KALRN: variants seen among roughly 807,000 people sequenced by gnomAD.
The protein encoded by KALRN is kalirin.
In KALRN, 70 loss-of-function variants were observed where a neutral mutation model predicts 353.7. The ratio of observed to expected loss-of-function variants is 0.20; its 90% CI spans 0.16 to 0.24. The LOEUF (loss-of-function observed/expected upper bound fraction) is 0.24, where lower values mean the gene tolerates loss of function less well. KALRN is among the 10% of genes least tolerant of loss of function. The pLI, the probability that KALRN is intolerant of heterozygous loss-of-function variation, is 1.00. For missense variants in KALRN, 2,791 were observed against 3,756.7 expected (o/e 0.74, Z 6.72); for synonymous variants, 1,391 against 1,434.8 (o/e 0.97, Z 0.69).
intron 33 of KALRN, among the ~76,000 whole-genome samples, chr3:124,550,268 G>C (rs1428425791): frequency 6.6e-6 from 1 of 152,146 alleles, no homozygotes; most frequent in Non-Finnish European, 1.5e-5. Context: ...AGTTCATCTG[G>C]GCTGAGCTAT....
At chr3:124,049,254 G>C (rs991348608) in intron 1 of KALRN, among the ~76,000 whole-genome samples, 1 of 152,146 alleles carries the variant, frequency 6.6e-6, no homozygotes, top group Non-Finnish European at 1.5e-5. Flanking sequence ...ACTTTAGATT[G>C]TGTATGCAAA....
chr3:124,446,973 G>A (rs2093861174), intron 21 of KALRN, 88 bp downstream of exon 21: 2 of 1,498,336 alleles, frequency 1.3e-6, no homozygotes, highest in East Asian at 4.5e-5. Flanking sequence ...GACAGCTTCT[G>A]TAAGCAAAAA....
chr3:124,678,528 T>A, intron 50 of KALRN: 1 of 460,202 alleles, frequency 2.2e-6, no homozygotes, highest in Non-Finnish European at 3.9e-6. Context: ...TACCTTTTTT[T>A]TCTTTTATAC....
intron 1 of KALRN, among the ~76,000 whole-genome samples, chr3:124,139,985 T>C (rs946958713): frequency 6.6e-6 from 1 of 152,164 alleles, no homozygotes; most frequent in Non-Finnish European, 1.5e-5. Context: ...TCTTTCATAT[T>C]GTACCCTAAA....
At chr3:124,175,030 G>T (rs1020644822) in intron 1 of KALRN, among the ~76,000 whole-genome samples, 2 of 152,214 alleles carry the variant, frequency 1.3e-5, no homozygotes, top group Non-Finnish European at 2.9e-5. Flanking sequence ...CCATATCCCT[G>T]GGCCAGCTTG....
intron 34 of KALRN, among the ~76,000 whole-genome samples, chr3:124,602,025 CAAAA>C (rs3058058): frequency 0.012 from 1,589 of 133,156 alleles, 30 homozygotes; most frequent in African/African-American, 0.038. Flanking sequence ...GACTCTGTCT[CAAAA>C]AAAAAAAAAA....
chr3:124,699,747 C>T lies in KALRN; in HGVS notation c.7832-122C>T, dbSNP rs1282778147. 19 of 912,036 alleles carry T rather than the reference C, an allele frequency of 2.1e-5. No individual in the cohort carries two copies. In the East Asian group the frequency reaches 3.2e-4, roughly 15 times the overall value. 56.5% of individuals were successfully genotyped at this position (912,036 alleles called of 1,614,324 possible). Reference sequence around the variant, plus strand: ...GCCTACAGGCTTTCAGAGCCTGACACGGTAACCACAAGCATCCCTTGAATT... The same window carrying T: ...GCCTACAGGCTTTCAGAGCCTGACATGGTAACCACAAGCATCCCTTGAATT... On this transcript the variant is annotated intron_variant, in intron 55 of 59. Transcript: ENST00000682506.
intron 13 of KALRN, among the ~76,000 whole-genome samples, chr3:124,411,125 T>A (rs927712926): frequency 6.6e-6 from 1 of 152,140 alleles, no homozygotes; most frequent in Admixed American, 6.5e-5. Flanking sequence ...TTCATTCATA[T>A]TAAATTCTAG....
intron 9 of KALRN, among the ~76,000 whole-genome samples, chr3:124,340,080 A>G (rs1176932501): frequency 6.6e-6 from 1 of 152,204 alleles, no homozygotes; most frequent in Middle Eastern, 3.2e-3. Flanking sequence ...AGCAAATCAA[A>G]TGAACCCCCT....
Position 124,152,585 on chromosome 3 carries a change from C to G in KALRN, c.74-75405C>G, listed in dbSNP as rs1181720425. ...TTCTTTTCTTTTCTTTTCTTTCTTT[C>G]TTTCTTTCTTTTTTTTTTTTTTTTT... On this transcript the variant is annotated intron_variant, in intron 1 of 59. Transcript: ENST00000682506. The G allele has an allele frequency of 8.6e-6, 5 of 579,990 alleles. No homozygotes were observed. In the African/African-American group the frequency reaches 1.3e-4, roughly 15 times the overall value. The allele number at this position is 579,990 out of a possible 1,614,324, so 35.9% of individuals were successfully genotyped here.
chr3:124,132,064 A>G (rs1446939233), intron 1 of KALRN, among the ~76,000 whole-genome samples: 1 of 152,174 alleles, frequency 6.6e-6, no homozygotes, highest in Non-Finnish European at 1.5e-5. Context: ...TTACAAGTAG[A>G]TCTTTAAGAA....
chr3:124,488,147 G>GGT, intron 28 of KALRN, 57 bp from the exon 29 acceptor site: 1 of 1,015,448 alleles, frequency 9.8e-7, no homozygotes, highest in South Asian at 1.4e-5. Flanking sequence ...TGGGTTAGGT[G>GGT]GTGGGAGGAA....
At chr3:124,099,148 A>G (rs901787215) in intron 1 of KALRN, among the ~76,000 whole-genome samples, 1 of 152,200 alleles carries the variant, frequency 6.6e-6, no homozygotes, top group African/African-American at 2.4e-5. Flanking sequence ...ATTATGAACT[A>G]TACAATATAG....
intron 15 of KALRN, among the ~76,000 whole-genome samples, chr3:124,425,172 A>G (rs1372691376): frequency 2.6e-5 from 4 of 152,158 alleles, no homozygotes; most frequent in African/African-American, 9.7e-5. Flanking sequence ...ATGGGGACAA[A>G]ATTACAGTTA....
intron 3 of KALRN, among the ~76,000 whole-genome samples, chr3:124,248,524 G>C (rs2070671258): frequency 6.6e-6 from 1 of 152,146 alleles, no homozygotes; most frequent in South Asian, 2.1e-4. Flanking sequence ...TCTAAATTAA[G>C]CAAGTATGAC....
At chr3:124,057,721 A>C (rs993465169) in intron 1 of KALRN, among the ~76,000 whole-genome samples, 1 of 152,086 alleles carries the variant, frequency 6.6e-6, no homozygotes, top group African/African-American at 2.4e-5. Context: ...CTGCCTCCCT[A>C]CTTCTCTCTG....
chr3:124,334,171 C>A lies in KALRN; in HGVS notation c.1417-94C>A, dbSNP rs2080886941. On this transcript the variant is annotated intron_variant, in intron 8 of 59. Coordinates refer to ENST00000682506, the MANE Select transcript of KALRN (RefSeq NM_001388419.1). The surrounding 1 kb of genome is among the most constrained non-coding windows in gnomAD (Gnocchi z 4.2). Reference sequence around the variant, plus strand: ...GGAATGCCTGAGATTCTCAGAAGGCCTAGTCAGGGACCCTCAGGCAGACAC... The same window carrying A: ...GGAATGCCTGAGATTCTCAGAAGGCATAGTCAGGGACCCTCAGGCAGACAC... The A allele has an allele frequency of 1.9e-6, 2 of 1,053,242 alleles. No homozygotes were observed. Among genetic ancestry groups the A allele is most frequent in the Admixed American group, 1.8e-5 (1 of 56,296 alleles). The allele number at this position is 1,053,242 out of a possible 1,614,324, so 65.2% of individuals were successfully genotyped here.
intron 10 of KALRN, among the ~76,000 whole-genome samples, chr3:124,368,837 A>G (rs535808593): frequency 2.0e-5 from 3 of 152,302 alleles, no homozygotes; most frequent in Non-Finnish European, 4.4e-5. Flanking sequence ...AGGCTGGCGG[A>G]TCACTCGCGG....
intron 6 of KALRN, among the ~76,000 whole-genome samples, chr3:124,313,798 G>A (rs1182419849): frequency 6.6e-6 from 1 of 152,214 alleles, no homozygotes; most frequent in East Asian, 1.9e-4. Flanking sequence ...TACTGGTTCA[G>A]GGTGAAGGAA....
Sources: gnomAD v4.1 joint callset for allele counts (sites outside exome capture counted in the v4.1 genomes callset) on GRCh38, gnomAD v4.1.1 for gene constraint, Gnocchi (gnomAD v3.1) non-coding constraint, MANE v1.5 for transcripts, NCBI Gene and HGNC (gene_info 2026-07-23, HGNC 2026-07-21) for gene names.